VAV2: variants seen among roughly 807,000 people sequenced by gnomAD.
VAV2 encodes the protein guanine nucleotide exchange factor VAV2.
Under a neutral mutation model 132.5 loss-of-function variants are expected in VAV2, and 67 were observed. That is an observed-to-expected ratio of 0.51 (90% CI 0.42 to 0.62). The LOEUF is 0.62. VAV2 is among the 20% of genes least tolerant of loss of function. The pLI, the probability that VAV2 is intolerant of heterozygous loss-of-function variation, is 0.00. For synonymous variants in VAV2, 492 were observed against 443.5 expected (o/e 1.11, Z -1.37); for missense variants, 938 against 1,153.6 (o/e 0.81, Z 2.71).
chr9:133,892,289 G>T (rs1839009219), intron 2 of VAV2, among the ~76,000 whole-genome samples: 1 of 151,760 alleles, frequency 6.6e-6, no homozygotes, highest in Non-Finnish European at 1.5e-5. Flanking sequence ...GGGCTGTGCT[G>T]CTAGGAAGTG....
intron 3 of VAV2, among the ~76,000 whole-genome samples, chr9:133,837,942 C>T (rs1459351291): frequency 6.6e-6 from 1 of 152,154 alleles, no homozygotes. Flanking sequence ...CACAAATCCC[C>T]TTGAGAATGG....
rs532493336 is a variant in VAV2 at position 133,888,579 on chromosome 9, T to C, written c.322-27147A>G. Among the ~76,000 whole-genome samples, 28 of 152,268 alleles carry C rather than the reference T, an allele frequency of 1.8e-4. No individual in the cohort carries two copies. In the East Asian group the frequency reaches 4.3e-3, roughly 23 times the overall value. On this transcript the variant is annotated intron_variant, in intron 2 of 29. Transcript: ENST00000371850. ...CCAGGAGCCACGTCACTCTCACAGA[T>C]GGACAGACAGACGGATGCAGCTCTG... is the stretch of plus-strand genomic sequence containing the variant.
intron 1 of VAV2, among the ~76,000 whole-genome samples, chr9:133,945,647 G>A (rs368112425): frequency 1.1e-3 from 173 of 152,314 alleles, no homozygotes; most frequent in African/African-American, 1.9e-3. Flanking sequence ...CCCAGGAGTG[G>A]CACTCAGCTG....
intron 1 of VAV2, among the ~76,000 whole-genome samples, chr9:133,949,543 CT>C (rs1369600879): frequency 6.6e-6 from 1 of 152,228 alleles, no homozygotes; most frequent in Non-Finnish European, 1.5e-5. Flanking sequence ...AAGAAATGGC[CT>C]TTCTCCTCCT....
At chr9:133,786,584 TA>T (rs900317764) in intron 16 of VAV2, among the ~76,000 whole-genome samples, 1 of 152,180 alleles carries the variant, frequency 6.6e-6, no homozygotes, top group Non-Finnish European at 1.5e-5. Flanking sequence ...AATGTGATGC[TA>T]AAAAAACCTC....
At chr9:133,960,750 C>A (rs1841939640) in intron 1 of VAV2, among the ~76,000 whole-genome samples, 1 of 152,234 alleles carries the variant, frequency 6.6e-6, no homozygotes, top group African/African-American at 2.4e-5. Flanking sequence ...CTCTGTAATA[C>A]CCTTTGTGGA....
intron 2 of VAV2, among the ~76,000 whole-genome samples, chr9:133,871,370 G>GTGGA (rs1270058042): frequency 1.3e-5 from 2 of 150,578 alleles, no homozygotes; most frequent in Admixed American, 6.6e-5. Flanking sequence ...AAATGGGTGG[G>GTGGA]TGGATGGATG....
At chr9:133,784,192 G>A in intron 18 of VAV2, 125 bp downstream of exon 18, 2 of 1,051,214 alleles carry the variant, frequency 1.9e-6, no homozygotes. Flanking sequence ...CTCTTGTGGG[G>A]TATACTCCCT....
chr9:133,908,282 G>C (rs907616790), intron 2 of VAV2, among the ~76,000 whole-genome samples: 1 of 152,030 alleles, frequency 6.6e-6, no homozygotes, highest in Non-Finnish European at 1.5e-5. Flanking sequence ...GCCTGGACCC[G>C]CAGCAGGAAA....
chr9:133,774,946 T>C lies in VAV2; in HGVS notation c.2124A>G (p.Ala708=). Residue 708 remains alanine (A), a synonymous_variant, in exon 25 of 30, where the codon GCA becomes GCG. Coordinates refer to ENST00000371850, the MANE Select transcript of VAV2 (RefSeq NM_001134398.2). ...GAGCCGCCACTTACTTGATGCTTAT[T>C]GCAAAGCGCTCAGCCTCGGCAGGCC... is the stretch of plus-strand genomic sequence containing the variant. ...RERPAEAERF[A]ISIKFNDEVK... 1.2e-6 allele frequency: 2 copies of C among 1,612,370 alleles called. No individual in the cohort carries two copies. Among genetic ancestry groups the C allele is most frequent in the Non-Finnish European group, 8.5e-7 (1 of 1,179,264 alleles).
chr9:133,939,970 G>A (rs1216060169), intron 1 of VAV2, among the ~76,000 whole-genome samples: 1 of 152,256 alleles, frequency 6.6e-6, no homozygotes, highest in Non-Finnish European at 1.5e-5. Flanking sequence ...CGTGCCACAG[G>A]GGCGGAAGGC....
chr9:133,958,556 C>T (rs1220263850), intron 1 of VAV2, among the ~76,000 whole-genome samples: 2 of 135,756 alleles, frequency 1.5e-5, no homozygotes, highest in Non-Finnish European at 3.4e-5. Flanking sequence ...GAAACACCCA[C>T]GAATGACCAA....
intron 9 of VAV2, among the ~76,000 whole-genome samples, chr9:133,803,227 G>T (rs183501161): frequency 1.3e-4 from 20 of 152,282 alleles, no homozygotes; most frequent in Non-Finnish European, 2.1e-4. Context: ...GGAGGAGGGC[G>T]TGGCCTTCGT....
chr9:133,769,614 G>A lies in VAV2; in HGVS notation c.2348-111C>T, dbSNP rs1415450492. On this transcript the variant is annotated intron_variant, in intron 27 of 29. Coordinates refer to ENST00000371850, the MANE Select transcript of VAV2 (RefSeq NM_001134398.2). This position sits in a 1 kb window ranked among gnomAD's most constrained non-coding sequence, Gnocchi z 8.1. Reference sequence around the variant, plus strand: ...TGGGGTGGGGCAGGCCCTTTGGCAGGAGAGGCCCTACAGGGGGGCAAAGGA... The same window carrying A: ...TGGGGTGGGGCAGGCCCTTTGGCAGAAGAGGCCCTACAGGGGGGCAAAGGA... 17 of 1,175,894 alleles carry A rather than the reference G, an allele frequency of 1.4e-5. 1 individual carries two copies. Among genetic ancestry groups the A allele is most frequent in the Admixed American group, 1.1e-4 (5 of 43,800 alleles). The allele number at this position is 1,175,894 out of a possible 1,614,324, so 72.8% of individuals were successfully genotyped here.
intron 2 of VAV2, among the ~76,000 whole-genome samples, chr9:133,899,938 G>A (rs556202622): frequency 2.5e-3 from 379 of 151,062 alleles, no homozygotes; most frequent in African/African-American, 8.8e-3. Context: ...GGAGAATGGC[G>A]TGAACCCGGG....
At chr9:133,966,935 T>C (rs1842159602) in intron 1 of VAV2, among the ~76,000 whole-genome samples, 1 of 146,220 alleles carries the variant, frequency 6.8e-6, no homozygotes, top group African/African-American at 2.6e-5. Flanking sequence ...CTTGGGAGGC[T>C]GAGGCAGGAG....
In VAV2 at chr9:133,795,714, TC is replaced by T. The variant is rs1382253275; in HGVS notation, c.1054del (p.Glu352AsnfsTer32). On this transcript the variant is annotated frameshift_variant, in exon 12 of 30. Transcript: ENST00000371850. LOFTEE classifies it high-confidence loss of function. ...LLKELLSHSAERPERQQLKEA... is the reference protein window; with the variant it reads ...LLKELLSHSAXRPERQQLKEA... Reference sequence around the variant, plus strand: ...TTTGAGCTGCTGCCTCTCAGGCCGTTCCGCAGAATGGCTCAGAAGCTCCTGG... The same window carrying T: ...TTTGAGCTGCTGCCTCTCAGGCCGTTCGCAGAATGGCTCAGAAGCTCCTGG... 2 of 1,614,094 alleles carry T rather than the reference TC, an allele frequency of 1.2e-6. No individual in the cohort carries two copies. The highest frequency in any genetic ancestry group is 2.2e-5 in the South Asian group (2 of 91,080).
At position 133,794,150 on chromosome 9, in the gene VAV2, C is replaced by T. The variant is rs1008431550; in HGVS notation, c.1101+1518G>A. The stretch of plus-strand genomic sequence containing the variant: ...CAGGGCCCGGGTGCACGGCCCACTG[C>T]ACCTGCTGTCACTGTCTCAGAGCCC... On this transcript the variant is annotated intron_variant, in intron 12 of 29. Coordinates refer to ENST00000371850, the MANE Select transcript of VAV2 (RefSeq NM_001134398.2). The surrounding 1 kb of genome is among the most constrained non-coding windows in gnomAD (Gnocchi z 4.6). Among the ~76,000 whole-genome samples the T allele has an allele frequency of 2.0e-5, 3 of 152,134 alleles. No homozygotes were observed. The highest frequency in any genetic ancestry group is 4.8e-5 in the African/African-American group (2 of 41,428).
At chr9:133,901,688 T>C (rs1422653143) in intron 2 of VAV2, among the ~76,000 whole-genome samples, 1 of 152,242 alleles carries the variant, frequency 6.6e-6, no homozygotes, top group Non-Finnish European at 1.5e-5. Flanking sequence ...TACCTAGGTC[T>C]GTAGGCACTG....
Sources: allele counts gnomAD v4.1 joint callset (sites outside exome capture counted in the v4.1 genomes callset), GRCh38; gene constraint gnomAD v4.1.1; non-coding constraint Gnocchi (gnomAD v3.1); transcripts MANE v1.5; gene names NCBI Gene and HGNC (gene_info 2026-07-23, HGNC 2026-07-21).